Variants in PSMB3 observed in about 807,000 individuals in gnomAD.
PSMB3 encodes the protein proteasome subunit beta type-3.
In PSMB3, 5 loss-of-function variants were observed where a neutral mutation model predicts 23.3. The observed-to-expected ratio is 0.21, with a 90% confidence interval of 0.11 to 0.45. The LOEUF is 0.45. Ranked by LOEUF, PSMB3 falls within the 20% of genes least tolerant of loss-of-function variation. The pLI is 0.99. For missense variants in PSMB3, 192 were observed against 277.9 expected (o/e 0.69, Z 2.20); for synonymous variants, 85 against 99.8 (o/e 0.85, Z 0.88).
At chr17:38,759,047 A>AAAAG (rs1039733733) in intron 3 of PSMB3, among the ~76,000 whole-genome samples, 28 of 152,156 alleles carry the variant, frequency 1.8e-4, no homozygotes, top group African/African-American at 5.3e-4. Flanking sequence ...CTGTCTCAAA[A>AAAAG]AAAGAAAGAA....
intron 3 of PSMB3, among the ~76,000 whole-genome samples, chr17:38,759,111 ACT>A (rs1908329524): frequency 6.6e-6 from 1 of 151,744 alleles, no homozygotes; most frequent in Admixed American, 6.6e-5. Flanking sequence ...TCTTTTACTG[ACT>A]CTTTCTACTG....
intron 4 of PSMB3, 104 bp downstream of exon 4, chr17:38,760,712 T>G: frequency 7.5e-7 from 1 of 1,335,576 alleles, no homozygotes; most frequent in Admixed American, 2.2e-5. Flanking sequence ...ATGGTGCAGG[T>G]GGGAGAGAAA....
chr17:38,752,808 A>T lies in PSMB3; in HGVS notation c.-19A>T, dbSNP rs228274. 1 of 1,613,878 alleles carries T rather than the reference A, an allele frequency of 6.2e-7. No individual in the cohort carries two copies. Among genetic ancestry groups the T allele is most frequent in the Admixed American group, 1.7e-5 (1 of 60,016 alleles). The stretch of plus-strand genomic sequence containing the variant: ...CTGGAATTGCTCTGGCGATCGAGGG[A>T]TCCTAGTACACCGCAATCATGGTGA... On this transcript the variant is annotated 5_prime_UTR_variant, in exon 1 of 6. Transcript: ENST00000619426. The surrounding 1 kb of genome is among the most constrained non-coding windows in gnomAD (Gnocchi z 5.5).
At position 38,752,830 on chromosome 17, in the gene PSMB3, G is replaced by T. The variant is rs113689478; in HGVS notation, c.3+1G>T. On this transcript the variant is annotated splice_donor_variant, in intron 1 of 5. Transcript: ENST00000619426. LOFTEE classifies it high-confidence loss of function. The surrounding 1 kb of genome is among the most constrained non-coding windows in gnomAD (Gnocchi z 5.5). ...GGGATCCTAGTACACCGCAATCATG[G>T]TGAGATGGGGAGTTAAAGCAAAGGG... The T allele has an allele frequency of 6.2e-7, 1 of 1,614,136 alleles. No homozygotes were observed. The highest frequency in any genetic ancestry group is 8.5e-7 in the Non-Finnish European group (1 of 1,180,022).
At chr17:38,756,919 G>A (rs925498748) in intron 3 of PSMB3, among the ~76,000 whole-genome samples, 2 of 144,464 alleles carry the variant, frequency 1.4e-5, no homozygotes, top group Non-Finnish European at 3.0e-5. Context: ...TTGCTCTGTC[G>A]CCCTGGTGTG....
chr17:38,763,497 C>CTTTTTTTTTTT (rs67563765), intron 5 of PSMB3, among the ~76,000 whole-genome samples: 1 of 76,032 alleles, frequency 1.3e-5, no homozygotes, highest in Non-Finnish European at 2.4e-5. Flanking sequence ...CTTCTTCCCC[C>CTTTTTTTTTTT]TTTTTTTTTT....
Position 38,752,848 on chromosome 17 carries a change from G to A in PSMB3, c.3+19G>A, listed in dbSNP as rs765004060. On this transcript the variant is annotated intron_variant, in intron 1 of 5. Transcript: ENST00000619426. The surrounding 1 kb of genome is among the most constrained non-coding windows in gnomAD (Gnocchi z 5.5). ...AATCATGGTGAGATGGGGAGTTAAA[G>A]CAAAGGGGCATGGGGAAGGATTGAG... The A allele has an allele frequency of 6.2e-7, 1 of 1,613,862 alleles. No homozygotes were observed. Among genetic ancestry groups the A allele is most frequent in the Non-Finnish European group, 8.5e-7 (1 of 1,179,992 alleles).
intron 2 of PSMB3, among the ~76,000 whole-genome samples, chr17:38,755,646 T>TAAAAAAAA (rs66894167): frequency 1.2e-4 from 8 of 66,446 alleles, no homozygotes; most frequent in South Asian, 7.4e-4. Context: ...AGACTCCGTC[T>TAAAAAAAA]AAAAAAAAAA....
chr17:38,763,044 T>C (rs1367048850), intron 5 of PSMB3, among the ~76,000 whole-genome samples: 3 of 152,182 alleles, frequency 2.0e-5, no homozygotes, highest in South Asian at 4.1e-4. Flanking sequence ...TTTTGGGGGA[T>C]AGCCTGCTTA....
rs920561853 is a variant in PSMB3 at position 38,759,334 on chromosome 17, C to T, written c.297-1097C>T. Among the ~76,000 whole-genome samples the T allele has an allele frequency of 5.3e-5, 8 of 152,326 alleles. No individual in the cohort carries two copies. In the South Asian group the frequency reaches 1.0e-3, roughly 20 times the overall value. On this transcript the variant is annotated intron_variant, in intron 3 of 5. Coordinates refer to ENST00000619426, the MANE Select transcript of PSMB3 (RefSeq NM_002795.4). Reference sequence around the variant, plus strand: ...TTGTGTGGCTGACTGGGAGCTGCGGCTCATTGTCACTGCCCAGCATCAGGA... The same window carrying T: ...TTGTGTGGCTGACTGGGAGCTGCGGTTCATTGTCACTGCCCAGCATCAGGA...
At chr17:38,761,817 G>A (rs1312063916) in intron 4 of PSMB3, among the ~76,000 whole-genome samples, 1 of 152,232 alleles carries the variant, frequency 6.6e-6, no homozygotes, top group Non-Finnish European at 1.5e-5. Context: ...GTGACAGGCT[G>A]TTACCGCCTG....
chr17:38,760,250 A>C (rs1347700296), intron 3 of PSMB3, 181 bp from the exon 4 acceptor site: 15 of 605,782 alleles, frequency 2.5e-5, no homozygotes, highest in Non-Finnish European at 3.7e-5. Context: ...AAGTCTTAGA[A>C]TATTTCTAGC....
At position 38,760,443 on chromosome 17, in the gene PSMB3, C is replaced by T; in HGVS notation, c.309C>T (p.Tyr103=). Residue 103 remains tyrosine (Y), a synonymous_variant, in exon 4 of 6, where the codon TAC becomes TAT. Transcript: ENST00000619426. ...CTGGCCCCCACAGGTTTGGCCCTTA[C>T]TACACTGAGCCAGTCATTGCCGGGT... is the stretch of plus-strand genomic sequence containing the variant. ...NLLYEKRFGP[Y]YTEPVIAGLD... 1 of 1,614,098 alleles carries T rather than the reference C, an allele frequency of 6.2e-7. No individual in the cohort carries two copies. The highest frequency in any genetic ancestry group is 8.5e-7 in the Non-Finnish European group (1 of 1,179,990).
chr17:38,755,479 A>G (rs1378887511), intron 2 of PSMB3: 2 of 151,844 alleles, frequency 1.3e-5, no homozygotes, highest in Non-Finnish European at 2.9e-5. Flanking sequence ...CCCCATCTCT[A>G]CTAAAAATAC....
At position 38,753,021 on chromosome 17, in the gene PSMB3, G is replaced by C. The variant is rs532962387; in HGVS notation, c.4-129G>C. Reference sequence around the variant, plus strand: ...CGCCACACAGTGCTCATCCCAGCTGGAGAACCAGGGGTTCAGACGCCTCCG... The same window carrying C: ...CGCCACACAGTGCTCATCCCAGCTGCAGAACCAGGGGTTCAGACGCCTCCG... On this transcript the variant is annotated intron_variant, in intron 1 of 5. Coordinates refer to ENST00000619426, the MANE Select transcript of PSMB3 (RefSeq NM_002795.4). 5 of 1,265,656 alleles carry C rather than the reference G, an allele frequency of 4.0e-6. No homozygotes were observed. The South Asian group carries it at 5.8e-5, about 15-fold the overall frequency. The allele number at this position is 1,265,656 out of a possible 1,614,324, so 78.4% of individuals were successfully genotyped here.
At chr17:38,754,177 G>A (rs1908059336) in intron 2 of PSMB3, among the ~76,000 whole-genome samples, 1 of 152,120 alleles carries the variant, frequency 6.6e-6, no homozygotes, top group Non-Finnish European at 1.5e-5. Context: ...GTCAGAAAAT[G>A]TTCTCATTTC....
chr17:38,764,030 G>C, intron 5 of PSMB3, 89 bp from the exon 6 acceptor site: 1 of 1,517,116 alleles, frequency 6.6e-7, no homozygotes, highest in East Asian at 2.3e-5. Flanking sequence ...CGCAGGGCTT[G>C]AGGGCTTGGT....
At chr17:38,755,828 A>T in intron 2 of PSMB3, 55 bp from the exon 3 acceptor site, 2 of 1,439,426 alleles carry the variant, frequency 1.4e-6, no homozygotes, top group Non-Finnish European at 2.0e-6. Flanking sequence ...TCAACAGGGT[A>T]GACACTCAGG....
intron 2 of PSMB3, chr17:38,755,211 T>G (rs554381541): frequency 2.6e-5 from 4 of 152,208 alleles, no homozygotes; most frequent in African/African-American, 9.6e-5. Flanking sequence ...GCTCAAGCAA[T>G]CCTTCCGCCT....
Sources: gnomAD v4.1 joint callset for allele counts (sites outside exome capture counted in the v4.1 genomes callset) on GRCh38, gnomAD v4.1.1 for gene constraint, Gnocchi (gnomAD v3.1) non-coding constraint, MANE v1.5 for transcripts, NCBI Gene and HGNC (gene_info 2026-07-23, HGNC 2026-07-21) for gene names.